Variants in PHACTR1 observed in about 807,000 individuals in gnomAD.
The protein encoded by PHACTR1 is RPEL repeat containing 1.
Under a neutral mutation model 69.2 loss-of-function variants are expected in PHACTR1, and 16 were observed. That is an observed-to-expected ratio of 0.23 (90% confidence interval 0.16 to 0.35). The LOEUF (loss-of-function observed/expected upper bound fraction) is 0.35. PHACTR1 is among the 10% of genes least tolerant of loss of function. PHACTR1 has a pLI of 1.00. For synonymous variants in PHACTR1, 312 were observed against 284.5 expected (o/e 1.10, Z -0.97); for missense variants, 510 against 734.7 (o/e 0.69, Z 3.54).
chr6:13,146,190 C>G (rs1356390846), intron 5 of PHACTR1, among the ~76,000 whole-genome samples: 2 of 152,162 alleles, frequency 1.3e-5, no homozygotes, highest in Non-Finnish European at 2.9e-5. Context: ...GTAAGACTTA[C>G]TACATAAAGT....
intron 4 of PHACTR1, among the ~76,000 whole-genome samples, chr6:12,819,353 G>C (rs369960421): frequency 1.3e-5 from 2 of 152,270 alleles, no homozygotes; most frequent in East Asian, 3.9e-4. Flanking sequence ...TTGCTCTTTT[G>C]TTCCACAGTA....
At chr6:13,122,149 C>T (rs1001870448) in intron 5 of PHACTR1, among the ~76,000 whole-genome samples, 2 of 152,176 alleles carry the variant, frequency 1.3e-5, no homozygotes, top group African/African-American at 4.8e-5. Flanking sequence ...TACTTGCCCG[C>T]ACTTTCCAAA....
chr6:12,876,010 G>T (rs777550054), intron 4 of PHACTR1, among the ~76,000 whole-genome samples: 14 of 152,200 alleles, frequency 9.2e-5, no homozygotes, highest in South Asian at 2.1e-4. Flanking sequence ...ACTATAATCA[G>T]TCCATTGAAG....
In PHACTR1 at chr6:13,205,795, T is replaced by G. The variant is rs776729701; in HGVS notation, c.665-20T>G. The G allele has an allele frequency of 4.5e-6, 7 of 1,561,172 alleles. No individual in the cohort carries two copies. In the South Asian group the frequency reaches 8.4e-5, roughly 19 times the overall value. ...ATGCCCCCAAACTCACATCTGCCTC[T>G]CGCCCTCTTTCTGCCACAGATCCTG... On this transcript the variant is annotated intron_variant, in intron 7 of 14. Coordinates refer to ENST00000332995, the MANE Select transcript of PHACTR1 (RefSeq NM_030948.6).
At chr6:12,820,861 AT>A (rs1776129665) in intron 4 of PHACTR1, among the ~76,000 whole-genome samples, 1 of 152,218 alleles carries the variant, frequency 6.6e-6, no homozygotes, top group Non-Finnish European at 1.5e-5. Flanking sequence ...ACAAAAAATC[AT>A]CATTACCATC....
chr6:13,179,161 G>T lies in PHACTR1; in HGVS notation c.497-3358G>T, dbSNP rs1761813670. ...TGAGGTGAGAGTATCACTTGAGCCT[G>T]GGAGATGGAAGCTGCAGTGAGCCAT... On this transcript the variant is annotated intron_variant, in intron 6 of 14. Coordinates refer to ENST00000332995, the MANE Select transcript of PHACTR1 (RefSeq NM_030948.6). This position sits in a 1 kb window ranked among gnomAD's most constrained non-coding sequence, Gnocchi z 4.2. 6.6e-6 allele frequency among the ~76,000 whole-genome samples: 1 copy of T among 152,136 alleles called. No individual in the cohort carries two copies. The highest frequency in any genetic ancestry group is 2.4e-5 in the African/African-American group (1 of 41,430).
chr6:12,852,901 C>T (rs539808258), intron 4 of PHACTR1, among the ~76,000 whole-genome samples: 30 of 152,292 alleles, frequency 2.0e-4, no homozygotes, highest in African/African-American at 6.7e-4. Context: ...CTCTGGAAGT[C>T]ATTGACTCTC....
rs569279116 is a variant in PHACTR1 at position 12,764,699 on chromosome 6, C to G, written c.250+14909C>G. On this transcript the variant is annotated intron_variant, in intron 4 of 14. Coordinates refer to ENST00000332995, the MANE Select transcript of PHACTR1 (RefSeq NM_030948.6). ...GGTGAAGATTTAGAGGCTGTACAGTCAGGAGCAGATGAAAATAGTGGTGTT... is the reference window on the plus strand; with the variant it reads ...GGTGAAGATTTAGAGGCTGTACAGTGAGGAGCAGATGAAAATAGTGGTGTT... 1.3e-5 allele frequency among the ~76,000 whole-genome samples: 2 copies of G among 152,280 alleles called. 1 individual carries two copies. The highest frequency in any genetic ancestry group is 1.3e-4 in the Admixed American group (2 of 15,290).
chr6:12,924,499 G>A (rs573946512), intron 4 of PHACTR1, among the ~76,000 whole-genome samples: 2 of 152,238 alleles, frequency 1.3e-5, no homozygotes, highest in South Asian at 4.2e-4. Context: ...TATATGCCGG[G>A]CACGGTGGCT....
intron 4 of PHACTR1, among the ~76,000 whole-genome samples, chr6:12,802,707 A>C (rs116203361): frequency 8.0e-4 from 122 of 152,344 alleles, no homozygotes; most frequent in Admixed American, 2.5e-3. Context: ...AAATGTTTTT[A>C]CAACTGTGAA....
At chr6:12,980,431 G>T (rs1437057016) in intron 4 of PHACTR1, among the ~76,000 whole-genome samples, 2 of 152,112 alleles carry the variant, frequency 1.3e-5, no homozygotes, top group Non-Finnish European at 2.9e-5. Context: ...GGCGTGTCAA[G>T]CATGTCCCAT....
chr6:12,764,830 C>T (rs759473905), intron 4 of PHACTR1, among the ~76,000 whole-genome samples: 3 of 151,878 alleles, frequency 2.0e-5, no homozygotes, highest in Non-Finnish European at 2.9e-5. Flanking sequence ...GTCATGGATA[C>T]ATATGGGAGC....
chr6:13,115,700 G>A (rs1040412570), intron 5 of PHACTR1, among the ~76,000 whole-genome samples: 1 of 152,116 alleles, frequency 6.6e-6, no homozygotes, highest in Non-Finnish European at 1.5e-5. Context: ...CAGGCTCCAC[G>A]TAGGCTGTAT....
chr6:13,042,443 A>G (rs1390176995), intron 4 of PHACTR1, among the ~76,000 whole-genome samples: 1 of 152,238 alleles, frequency 6.6e-6, no homozygotes, highest in East Asian at 1.9e-4. Context: ...CATTAGGAAT[A>G]CTGCAGGCCT....
intron 4 of PHACTR1, among the ~76,000 whole-genome samples, chr6:13,037,331 C>A (rs1045195213): frequency 2.6e-5 from 4 of 152,166 alleles, no homozygotes; most frequent in Non-Finnish European, 5.9e-5. Flanking sequence ...CCCCATTAAC[C>A]TACCTGTTAA....
chr6:13,177,457 A>G (rs1005598923), intron 6 of PHACTR1, among the ~76,000 whole-genome samples: 5 of 132,562 alleles, frequency 3.8e-5, no homozygotes, highest in African/African-American at 5.7e-5. Context: ...GTGTGTGTGT[A>G]TATATATATA....
chr6:13,225,944 G>A (rs1441995009), intron 8 of PHACTR1, among the ~76,000 whole-genome samples: 1 of 152,106 alleles, frequency 6.6e-6, no homozygotes, highest in Non-Finnish European at 1.5e-5. Context: ...TGCTTTGCAG[G>A]GTGGGCACCA....
chr6:13,269,469 A>C (rs1007843448), intron 10 of PHACTR1, among the ~76,000 whole-genome samples: 2 of 152,212 alleles, frequency 1.3e-5, no homozygotes, highest in Non-Finnish European at 2.9e-5. Context: ...AATATTGTGA[A>C]TTTCCAAATA....
intron 4 of PHACTR1, among the ~76,000 whole-genome samples, chr6:12,779,790 T>C (rs1219197149): frequency 6.6e-6 from 1 of 152,260 alleles, no homozygotes; most frequent in East Asian, 1.9e-4. Flanking sequence ...GCGATGCAGC[T>C]ATATATACTT....
Sources: allele counts gnomAD v4.1 joint callset (sites outside exome capture counted in the v4.1 genomes callset), GRCh38; gene constraint gnomAD v4.1.1; non-coding constraint Gnocchi (gnomAD v3.1); transcripts MANE v1.5; gene names NCBI Gene and HGNC (gene_info 2026-07-23, HGNC 2026-07-21).